The following TMEFF1 variants were observed in gnomAD, a reference collection of about 807,000 sequenced individuals.
The protein encoded by TMEFF1 is transmembrane protein with EGF like and two follistatin like domains 1.
TMEFF1 carries 20 observed loss-of-function variants against 47.5 expected under a neutral mutation model. That is an observed-to-expected ratio of 0.42 (90% confidence interval 0.30 to 0.61). The LOEUF (loss-of-function observed/expected upper bound fraction) is 0.61. Ranked by LOEUF, TMEFF1 falls within the 20% of genes least tolerant of loss-of-function variation. TMEFF1 has a pLI of 0.19. For missense variants in TMEFF1, 411 were observed against 471.1 expected (o/e 0.87, Z 1.18); for synonymous variants, 162 against 166.3 (o/e 0.97, Z 0.20).
chr9:100,505,589 G>C (rs1336562672), intron 2 of TMEFF1, among the ~76,000 whole-genome samples: 1 of 152,156 alleles, frequency 6.6e-6, no homozygotes, highest in Non-Finnish European at 1.5e-5. Context: ...ATTCCTACAT[G>C]AATAGCCAGA....
intron 1 of TMEFF1, among the ~76,000 whole-genome samples, chr9:100,492,242 C>A (rs922508080): frequency 6.6e-6 from 1 of 152,178 alleles, no homozygotes; most frequent in Admixed American, 6.5e-5. Context: ...CAGTTTTAAT[C>A]CCTTTAAAAA....
At chr9:100,563,662 T>G (rs1447112658) in intron 8 of TMEFF1, among the ~76,000 whole-genome samples, 1 of 152,374 alleles carries the variant, frequency 6.6e-6, no homozygotes, top group Non-Finnish European at 1.5e-5. Flanking sequence ...ATACCTGGTA[T>G]GTAGTATGTA....
At chr9:100,568,710 G>T (rs912213369) in intron 8 of TMEFF1, among the ~76,000 whole-genome samples, 10 of 151,834 alleles carry the variant, frequency 6.6e-5, no homozygotes, top group Non-Finnish European at 1.3e-4. Context: ...ATACCCTTTA[G>T]CTTTTACTCC....
At chr9:100,563,989 G>T (rs1352142209) in intron 8 of TMEFF1, among the ~76,000 whole-genome samples, 1 of 152,150 alleles carries the variant, frequency 6.6e-6, no homozygotes, top group African/African-American at 2.4e-5. Context: ...TGTTTGCATA[G>T]CAGTAAACAG....
chr9:100,526,964 A>T (rs1327151326), intron 5 of TMEFF1, among the ~76,000 whole-genome samples: 33 of 149,096 alleles, frequency 2.2e-4, no homozygotes, highest in African/African-American at 7.9e-4. Flanking sequence ...ACAAAAAAAA[A>T]AAAAAAAAAA....
intron 1 of TMEFF1, among the ~76,000 whole-genome samples, chr9:100,481,687 G>A (rs866010252): frequency 1.3e-5 from 2 of 152,152 alleles, no homozygotes; most frequent in Non-Finnish European, 1.5e-5. Flanking sequence ...AGAGCCTGGC[G>A]GTACGATGAA....
intron 1 of TMEFF1, among the ~76,000 whole-genome samples, chr9:100,491,351 A>G (rs1837548781): frequency 6.6e-6 from 1 of 152,214 alleles, no homozygotes; most frequent in Non-Finnish European, 1.5e-5. Flanking sequence ...TCCAAATACT[A>G]CTAACATCTA....
intron 2 of TMEFF1, among the ~76,000 whole-genome samples, chr9:100,506,655 T>C (rs1456786600): frequency 6.6e-6 from 1 of 150,694 alleles, no homozygotes; most frequent in Non-Finnish European, 1.5e-5. Flanking sequence ...TAGTCCCAGC[T>C]ACTCGGGAGG....
chr9:100,550,084 T>A lies in TMEFF1; in HGVS notation c.710-11T>A, dbSNP rs1439497754. The stretch of plus-strand genomic sequence containing the variant: ...TATATATTTTAATTTGAAAACCGTC[T>A]TCTCTTACAGATACAGATGACACTA... On this transcript the variant is annotated splice_polypyrimidine_tract_variant and intron_variant, in intron 6 of 9. Transcript: ENST00000374879. 1.9e-6 allele frequency: 3 copies of A among 1,603,932 alleles called. No homozygotes were observed. Among genetic ancestry groups the A allele is most frequent in the Non-Finnish European group, 2.5e-6 (3 of 1,176,926 alleles).
intron 9 of TMEFF1, among the ~76,000 whole-genome samples, chr9:100,573,525 G>C (rs951898861): frequency 2.6e-5 from 4 of 152,158 alleles, no homozygotes; most frequent in Non-Finnish European, 4.4e-5. Context: ...GTGCTTCCCA[G>C]TCTAATGCTT....
chr9:100,505,392 C>CA (rs1478015646), intron 2 of TMEFF1, among the ~76,000 whole-genome samples: 1 of 104,752 alleles, frequency 9.5e-6, no homozygotes, highest in African/African-American at 3.8e-5. Context: ...AACCTGGCGA[C>CA]AGACCTAGAC....
chr9:100,486,959 T>G (rs1274700567), intron 1 of TMEFF1, among the ~76,000 whole-genome samples: 1 of 152,174 alleles, frequency 6.6e-6, no homozygotes, highest in Non-Finnish European at 1.5e-5. Flanking sequence ...TATTTTTGCC[T>G]TGTCAGCTTT....
chr9:100,478,306 C>G (rs1463832408), intron 1 of TMEFF1, among the ~76,000 whole-genome samples: 2 of 152,146 alleles, frequency 1.3e-5, no homozygotes, highest in Non-Finnish European at 2.9e-5. Flanking sequence ...TTGTTCTCAA[C>G]AAGACTTTTT....
At chr9:100,537,973 G>T (rs946288896) in intron 5 of TMEFF1, among the ~76,000 whole-genome samples, 1 of 151,902 alleles carries the variant, frequency 6.6e-6, no homozygotes, top group Non-Finnish European at 1.5e-5. Context: ...ATATTCAAAA[G>T]TGTATGAAAA....
intron 5 of TMEFF1, among the ~76,000 whole-genome samples, chr9:100,546,892 C>T (rs1353555141): frequency 6.6e-6 from 1 of 152,174 alleles, no homozygotes; most frequent in East Asian, 1.9e-4. Context: ...TAGTACAACA[C>T]TCAGTGTTCA....
rs1220200693 is a variant in TMEFF1 at position 100,577,069 on chromosome 9, T to A, written c.*469T>A. 1 of 154,166 alleles carries A rather than the reference T, an allele frequency of 6.5e-6. No individual in the cohort carries two copies. Among genetic ancestry groups the A allele is most frequent in the Non-Finnish European group, 1.4e-5 (1 of 68,996 alleles). The allele number at this position is 154,166 out of a possible 1,614,324, so 9.5% of individuals were successfully genotyped here. On this transcript the variant is annotated 3_prime_UTR_variant, in exon 10 of 10. Coordinates refer to ENST00000374879, the MANE Select transcript of TMEFF1 (RefSeq NM_003692.5). ...TAACTGATTTTTTAGACACTGCCTA[T>A]CGCATGAACTGTAAAGCTGTGTGTA...
intron 7 of TMEFF1, among the ~76,000 whole-genome samples, chr9:100,557,411 A>T (rs180706804): frequency 1.3e-5 from 2 of 152,260 alleles, no homozygotes; most frequent in African/African-American, 4.8e-5. Flanking sequence ...ACGATGAAGA[A>T]AACATGTCTC....
At chr9:100,564,503 T>A (rs1839084566) in intron 8 of TMEFF1, among the ~76,000 whole-genome samples, 1 of 152,176 alleles carries the variant, frequency 6.6e-6, no homozygotes, top group Non-Finnish European at 1.5e-5. Context: ...TACAACCTGG[T>A]GAAAGAGACC....
At chr9:100,560,477 T>C (rs949582995) in intron 7 of TMEFF1, among the ~76,000 whole-genome samples, 2 of 152,300 alleles carry the variant, frequency 1.3e-5, no homozygotes, top group Middle Eastern at 6.8e-3. Context: ...TTAGGATTAA[T>C]GTATTGGTGC....
Sources: allele counts gnomAD v4.1 joint callset (sites outside exome capture counted in the v4.1 genomes callset), GRCh38; gene constraint gnomAD v4.1.1; transcripts MANE v1.5; gene names NCBI Gene and HGNC (gene_info 2026-07-23, HGNC 2026-07-21).